The following CASKIN1 variants were observed in gnomAD, a reference collection of about 807,000 sequenced individuals.
The protein encoded by CASKIN1 is caskin-1.
In CASKIN1, 42 loss-of-function variants were observed where a neutral mutation model predicts 117.5. The ratio of observed to expected loss-of-function variants is 0.36; its 90% confidence interval spans 0.28 to 0.46. The LOEUF (loss-of-function observed/expected upper bound fraction) is 0.46. Ranked by LOEUF, CASKIN1 falls within the 20% of genes least tolerant of loss-of-function variation. CASKIN1 has a pLI of 1.00. For synonymous variants in CASKIN1, 1,148 were observed against 961.7 expected, an observed-to-expected ratio of 1.19 and a Z score of -3.59; for missense variants, 2,083 against 2,077.3, an observed-to-expected ratio of 1.00 and a Z score of -0.05.
intron 14 of CASKIN1, 60 bp from the exon 15 acceptor site, chr16:2,184,001 G>C: frequency 1.7e-6 from 2 of 1,172,330 alleles, no homozygotes; most frequent in East Asian, 2.5e-5. Flanking sequence ...TGCCACCACA[G>C]TGCCGCCTCC....
intron 16 of CASKIN1, 151 bp downstream of exon 16, chr16:2,183,495 C>G (rs565584103): frequency 1.4e-6 from 1 of 722,252 alleles, no homozygotes; most frequent in African/African-American, 1.8e-5. Context: ...AGGGGCTGAT[C>G]GGGAGGCTCC....
chr16:2,189,192 G>A (rs758749796), intron 5 of CASKIN1, 35 bp from the exon 6 acceptor site: 1 of 1,612,662 alleles, frequency 6.2e-7, no homozygotes, highest in South Asian at 1.1e-5. Context: ...GGGTCCTGAT[G>A]TGGGGCTCCC....
In CASKIN1 at chr16:2,180,679, C is replaced by T. The variant is rs746712782; in HGVS notation, c.2689G>A (p.Glu897Lys). 7 of 1,508,390 alleles carry T rather than the reference C, an allele frequency of 4.6e-6. No individual in the cohort carries two copies. In the East Asian group the frequency reaches 7.5e-5, roughly 16 times the overall value. The allele number at this position is 1,508,390 out of a possible 1,614,324, so 93.4% of individuals were successfully genotyped here. ...CCGGCAGCCGCAGGCACCAGCAGCT[C>T]GTCCCGCTCCGGCTCGCTGTCGGAC... ...AASDSEPERD[E>K]LLVPAAAGPY... The change falls in exon 18 of 20, where the codon GAG becomes AAG. Residue 897 changes from glutamate (E) to lysine (K), a missense_variant. Glu to Lys is a moderately conservative substitution (Grantham distance 56, BLOSUM62 1). Around this residue, in one of 3 missense-constraint regions of CASKIN1, gnomAD observed 1,818 missense variants for 1,688.9 expected, o/e 1.08. Coordinates refer to ENST00000343516, the MANE Select transcript of CASKIN1 (RefSeq NM_020764.4).
At chr16:2,187,811 G>A (rs1397275850) in intron 6 of CASKIN1, among the ~76,000 whole-genome samples, 4 of 151,756 alleles carry the variant, frequency 2.6e-5, no homozygotes, top group Non-Finnish European at 5.9e-5. Context: ...AGTAGAGACG[G>A]GGTTTCACCA....
In CASKIN1 at chr16:2,180,181, G is replaced by A. The variant is rs1350909348; in HGVS notation, c.3187C>T (p.Arg1063Cys). The part of the protein sequence containing the change: ...IGPGGEVVNR[R>C]RTLSGPVTGL... Reference sequence around the variant, plus strand: ...GTGACTGGCCCGCTGAGCGTGCGGCGCCGGTTCACCACCTCCCCGCCAGGC... The same window carrying A: ...GTGACTGGCCCGCTGAGCGTGCGGCACCGGTTCACCACCTCCCCGCCAGGC... The change falls in exon 18 of 20, where the codon CGC becomes TGC. Residue 1063 changes from arginine (R) to cysteine (C), a missense_variant. Arg to Cys is a radical substitution (Grantham distance 180). Transcript: ENST00000343516. 2 of 1,550,064 alleles carry A rather than the reference G, an allele frequency of 1.3e-6. No homozygotes were observed. The highest frequency in any genetic ancestry group is 1.2e-5 in the South Asian group (1 of 84,362).
At position 2,189,087 on chromosome 16, in the gene CASKIN1, T is replaced by C; in HGVS notation, c.557A>G (p.Asp186Gly). ...LLEPRPGDAT[D>G]PNGTSPLHLA... The stretch of plus-strand genomic sequence containing the variant: ...GTGCAAAGGGCTGGTGCCGTTGGGG[T>C]CGGTGGCGTCTCCCGGCCGGGGCTC... Residue 186 changes from aspartate (D) to glycine (G), a missense_variant, in exon 6 of 20, where the codon GAC (aspartate) becomes GGC (glycine). By Grantham distance (94) the Asp-to-Gly change is moderately conservative. This residue lies in a region of CASKIN1 where 203 missense variants were observed against 338.7 expected (regional missense o/e 0.60). Coordinates refer to ENST00000343516, the MANE Select transcript of CASKIN1 (RefSeq NM_020764.4). 1 of 1,613,352 alleles carries C rather than the reference T, an allele frequency of 6.2e-7. No homozygotes were observed. Among genetic ancestry groups the C allele is most frequent in the Non-Finnish European group, 8.5e-7 (1 of 1,179,738 alleles).
chr16:2,181,787 T>G lies in CASKIN1; in HGVS notation c.1768+4A>C, dbSNP rs1448221606. ...GGGGACGAGGGCTGGGGCTGGGGCC[T>G]CACCCAGCTTGGTGATGCCGATCTC... On this transcript the variant is annotated splice_donor_region_variant and intron_variant, in intron 17 of 19. Coordinates refer to ENST00000343516, the MANE Select transcript of CASKIN1 (RefSeq NM_020764.4). The G allele has an allele frequency of 1.2e-6, 2 of 1,612,562 alleles. No individual in the cohort carries two copies. The highest frequency in any genetic ancestry group is 1.7e-6 in the Non-Finnish European group (2 of 1,179,720).
chr16:2,188,730 G>A (rs752416817), intron 6 of CASKIN1, among the ~76,000 whole-genome samples: 15 of 152,140 alleles, frequency 9.9e-5, no homozygotes, highest in Admixed American at 5.2e-4. Context: ...TAGTGTAGGC[G>A]CTGCTGTGAA....
chr16:2,194,884 C>A (rs1430766209), intron 1 of CASKIN1, among the ~76,000 whole-genome samples: 2 of 152,222 alleles, frequency 1.3e-5, no homozygotes, highest in East Asian at 3.9e-4. Context: ...GCGGTCATTG[C>A]TGGCATTTAC....
In CASKIN1 at chr16:2,178,507, G is replaced by GGGGAGGGCCCGGGCGGCGC. The variant is rs770406077; in HGVS notation, c.*24_*42dup. 1.9e-4 allele frequency: 276 copies of GGGGAGGGCCCGGGCGGCGC among 1,485,604 alleles called. 1 individual carries two copies. The African/African-American group carries it at 3.6e-3, about 19-fold the overall frequency. The allele number at this position is 1,485,604 out of a possible 1,614,324, so 92.0% of individuals were successfully genotyped here. On this transcript the variant is annotated 3_prime_UTR_variant, in exon 20 of 20. Transcript: ENST00000343516. The stretch of plus-strand genomic sequence containing the variant: ...CATCCTGAGGTATAGGTCAGTGTGC[G>GGGGAGGGCCCGGGCGGCGC]GGGAGGGCCCGGGCGGCGCGGGAGG...
rs1241358486 is a variant in CASKIN1, at chr16:2,180,865, C to T, written c.2503G>A (p.Val835Met). 3.5e-6 allele frequency: 5 copies of T among 1,415,504 alleles called. No homozygotes were observed. The highest frequency in any genetic ancestry group is 1.5e-5 in the African/African-American group (1 of 66,692). The allele number at this position is 1,415,504 out of a possible 1,614,324, so 87.7% of individuals were successfully genotyped here. The change falls in exon 18 of 20, where the codon GTG becomes ATG. Residue 835 changes from valine to methionine, a missense_variant. Val to Met is a conservative substitution (Grantham distance 21, BLOSUM62 1). Around this residue, in one of 3 missense-constraint regions of CASKIN1, gnomAD observed 1,818 missense variants for 1,688.9 expected, o/e 1.08. Coordinates refer to ENST00000343516, the MANE Select transcript of CASKIN1 (RefSeq NM_020764.4). ...QSPTHRGFAY[V>M]LPQPVEGEVG... ...TCGCCCTCCACGGGCTGGGGCAGCA[C>T]GTAGGCAAAGCCGCGGTGCGTCGGT...
Position 2,177,192 on chromosome 16 carries a change from T to C in CASKIN1, c.*1358A>G, listed in dbSNP as rs1254416957. 2.4e-5 allele frequency: 6 copies of C among 246,122 alleles called. No individual in the cohort carries two copies. Among genetic ancestry groups the C allele is most frequent in the Non-Finnish European group, 4.0e-5 (5 of 124,284 alleles). 15.2% of individuals were successfully genotyped at this position (246,122 alleles called of 1,614,324 possible). ...TGAGCCAGGCACCTCTGTTTCCTGC[T>C]GTTTATTGACAGCCGACGGCAGCGC... is the stretch of plus-strand genomic sequence containing the variant. On this transcript the variant is annotated 3_prime_UTR_variant, in exon 20 of 20. Coordinates refer to ENST00000343516, the MANE Select transcript of CASKIN1 (RefSeq NM_020764.4).
rs1357838021 is a variant in CASKIN1, at chr16:2,184,774, T to C, written c.1416+3A>G. 6 of 1,515,080 alleles carry C rather than the reference T, an allele frequency of 4.0e-6. No homozygotes were observed. The highest frequency in any genetic ancestry group is 4.4e-6 in the Non-Finnish European group (5 of 1,132,246). The allele number at this position is 1,515,080 out of a possible 1,614,324, so 93.9% of individuals were successfully genotyped here. On this transcript the variant is annotated splice_donor_region_variant and intron_variant, in intron 14 of 19. Transcript: ENST00000343516. ...ACGCTGAGAACACCCCCAAGCCCTG[T>C]ACCTTGCCCTCCGATGCTGGCTCCA...
rs2093217209 is a variant in CASKIN1, at chr16:2,196,546, TCGCCGCC to T, written c.-121_-115del. ...CCCCGCCGCCTCCCCCGCCGCCTCC[TCGCCGCC>T]CGCCGCCCCTTCGCCCTCCTCGGGC... On this transcript the variant is annotated 5_prime_UTR_variant, in exon 1 of 20. Coordinates refer to ENST00000343516, the MANE Select transcript of CASKIN1 (RefSeq NM_020764.4). The surrounding 1 kb of genome is among the most constrained non-coding windows in gnomAD (Gnocchi z 5.7). The T allele has an allele frequency of 3.9e-6, 1 of 258,834 alleles. No homozygotes were observed. The highest frequency in any genetic ancestry group is 5.9e-6 in the Non-Finnish European group (1 of 169,132). The allele number at this position is 258,834 out of a possible 1,614,324, so 16.0% of individuals were successfully genotyped here. A position where few individuals can be genotyped will look rare whatever the true frequency, so the allele number is the denominator to read the frequency against.
Position 2,179,816 on chromosome 16 carries a change from C to G in CASKIN1, c.3552G>C (p.Glu1184Asp), listed in dbSNP as rs2141310198. Residue 1184 changes from glutamate to aspartate, a missense_variant, in exon 18 of 20, where the codon GAG becomes GAC. Physicochemically the swap from Glu to Asp is conservative, Grantham distance 45 (BLOSUM62 2). Around this residue, in one of 3 missense-constraint regions of CASKIN1, gnomAD observed 1,818 missense variants for 1,688.9 expected, o/e 1.08. Transcript: ENST00000343516. This position sits in a 1 kb window ranked among gnomAD's most constrained non-coding sequence, Gnocchi z 5.8. The stretch of plus-strand genomic sequence containing the variant: ...GAGGCAGCTCCGGAGGCCCAGCCTG[C>G]TCCGAGGCCGGTCGGCGGCGCACGG... ...TGTVRRRPASEQAGPPELPPP... is the reference protein window; with the variant it reads ...TGTVRRRPASDQAGPPELPPP... 11 of 1,588,356 alleles carry G rather than the reference C, an allele frequency of 6.9e-6. No individual in the cohort carries two copies. In the East Asian group the frequency reaches 2.3e-4, roughly 33 times the overall value.
At chr16:2,187,795 A>G (rs778252119) in intron 6 of CASKIN1, among the ~76,000 whole-genome samples, 25 of 147,534 alleles carry the variant, frequency 1.7e-4, no homozygotes, top group Non-Finnish European at 3.1e-4. Context: ...CTAATTTTGT[A>G]TTTTTAGTAG....
chr16:2,192,470 C>T (rs895959893), intron 1 of CASKIN1, among the ~76,000 whole-genome samples: 3 of 152,054 alleles, frequency 2.0e-5, no homozygotes, highest in Non-Finnish European at 2.9e-5. Context: ...TCCTGCTTTG[C>T]TCTCAGTTAT....
chr16:2,184,039 A>C, intron 14 of CASKIN1, 98 bp from the exon 15 acceptor site: 1 of 770,516 alleles, frequency 1.3e-6, no homozygotes, highest in East Asian at 2.7e-5. Flanking sequence ...CCGTGCAGCC[A>C]CTGCGTCCGC....
intron 16 of CASKIN1, among the ~76,000 whole-genome samples, 160 bp downstream of exon 16, chr16:2,183,484 CAG>C (rs373155742): frequency 8.0e-4 from 122 of 152,338 alleles, no homozygotes; most frequent in East Asian, 2.3e-3. Context: ...AGTGACAAAA[CAG>C]GGGCTGATCG....
Sources: gnomAD v4.1 joint callset for allele counts (sites outside exome capture counted in the v4.1 genomes callset) on GRCh38, gnomAD v4.1.1 for gene constraint, gnomAD v4.1.1 regional missense constraint, Gnocchi (gnomAD v3.1) non-coding constraint, MANE v1.5 for transcripts, NCBI Gene and HGNC (gene_info 2026-07-23, HGNC 2026-07-21) for gene names.